The following PLEKHG1 variants were observed in gnomAD, a reference collection of about 807,000 sequenced individuals.
The protein encoded by PLEKHG1 is pleckstrin homology domain-containing family G member 1.
In PLEKHG1, 44 loss-of-function variants were observed where a neutral mutation model predicts 100.8. The ratio of observed to expected loss-of-function variants is 0.44; its 90% CI spans 0.34 to 0.56. The LOEUF (loss-of-function observed/expected upper bound fraction) is 0.56, where lower values mean the gene tolerates loss of function less well. Among genes scored for constraint, PLEKHG1 ranks in the 20% least tolerant of loss-of-function variants. PLEKHG1 has a pLI of 0.01. For synonymous variants in PLEKHG1, 640 were observed against 662.5 expected, an observed-to-expected ratio of 0.97 and a Z score of 0.52; for missense variants, 1,545 against 1,720.9, an observed-to-expected ratio of 0.90 and a Z score of 1.81.
intron 1 of PLEKHG1, among the ~76,000 whole-genome samples, chr6:150,631,221 A>C (rs1777733831): frequency 6.6e-6 from 1 of 152,222 alleles, no homozygotes; most frequent in Non-Finnish European, 1.5e-5. Context: ...TTTGAAATAA[A>C]TATATACAGC....
At chr6:150,729,390 C>T (rs942707628) in intron 1 of PLEKHG1, among the ~76,000 whole-genome samples, 1 of 152,188 alleles carries the variant, frequency 6.6e-6, no homozygotes, top group Admixed American at 6.5e-5. Flanking sequence ...TCAGTAGCCA[C>T]ATGTGGCCAC....
intron 3 of PLEKHG1, among the ~76,000 whole-genome samples, chr6:150,689,978 C>T (rs376868990): frequency 2.0e-5 from 3 of 151,928 alleles, no homozygotes; most frequent in African/African-American, 7.3e-5. Context: ...AATTGTTTCC[C>T]ACTCCATAGA....
intron 1 of PLEKHG1, among the ~76,000 whole-genome samples, chr6:150,732,261 T>C (rs1782308662): frequency 6.6e-6 from 1 of 152,220 alleles, no homozygotes; most frequent in Non-Finnish European, 1.5e-5. Flanking sequence ...ATAATTTAGT[T>C]CCTATATGCG....
intron 2 of PLEKHG1, among the ~76,000 whole-genome samples, chr6:150,740,089 C>T (rs1017369455): frequency 6.6e-6 from 1 of 152,230 alleles, no homozygotes; most frequent in Non-Finnish European, 1.5e-5. Flanking sequence ...GATTCAGGCC[C>T]AGAGAGCTTG....
intron 2 of PLEKHG1, among the ~76,000 whole-genome samples, chr6:150,737,949 G>A (rs1782660730): frequency 6.6e-6 from 1 of 150,594 alleles, no homozygotes; most frequent in Non-Finnish European, 1.5e-5. Flanking sequence ...GACTACAGGT[G>A]CACACCACCA....
At chr6:150,809,528 T>C (rs1398108574) in intron 9 of PLEKHG1, 52 bp downstream of exon 10, 5 of 1,517,592 alleles carry the variant, frequency 3.3e-6, no homozygotes, top group Non-Finnish European at 4.6e-6. Flanking sequence ...TAATGATGAG[T>C]GCTGTGTACC....
intron 14 of PLEKHG1, chr6:150,827,908 G>A: frequency 1.3e-6 from 2 of 1,572,778 alleles, no homozygotes; most frequent in Non-Finnish European, 1.7e-6. Flanking sequence ...CTGGCTGAGT[G>A]GAAAGCAACT....
intron 3 of PLEKHG1, among the ~76,000 whole-genome samples, chr6:150,783,890 T>G (rs1253214653): frequency 6.6e-6 from 1 of 152,198 alleles, no homozygotes; most frequent in Non-Finnish European, 1.5e-5. Flanking sequence ...TACTAAATTT[T>G]TTTGTTTGTT....
intron 3 of PLEKHG1, among the ~76,000 whole-genome samples, chr6:150,773,221 G>A (rs1006010031): frequency 2.0e-5 from 3 of 151,996 alleles, no homozygotes; most frequent in Non-Finnish European, 4.4e-5. Context: ...TTTTCATATG[G>A]CTAGCCACTG....
At chr6:150,790,553 G>A (rs999640322) in intron 4 of PLEKHG1, among the ~76,000 whole-genome samples, 2 of 152,090 alleles carry the variant, frequency 1.3e-5, no homozygotes, top group Non-Finnish European at 2.9e-5. Flanking sequence ...GTCCTACATC[G>A]AGAGATCTAT....
At chr6:150,648,150 C>T (rs1778576814) in intron 2 of PLEKHG1, among the ~76,000 whole-genome samples, 1 of 152,120 alleles carries the variant, frequency 6.6e-6, no homozygotes, top group South Asian at 2.1e-4. Flanking sequence ...ATTTCTGCCA[C>T]TGGATAAAAA....
chr6:150,805,878 CACAA>C (rs1787057198), intron 7 of PLEKHG1, among the ~76,000 whole-genome samples: 1 of 152,134 alleles, frequency 6.6e-6, no homozygotes. Context: ...GCCTATCCAG[CACAA>C]ACATTTTGAG....
intron 14 of PLEKHG1, among the ~76,000 whole-genome samples, chr6:150,824,698 T>C (rs1189379579): frequency 3.7e-5 from 5 of 135,200 alleles, no homozygotes; most frequent in Non-Finnish European, 8.1e-5. Flanking sequence ...CCCAGCTGAT[T>C]TTTGTATTTT....
At chr6:150,840,346 G>A (rs1268140894) in exon 16 of PLEKHG1, 2 of 1,614,018 alleles carry the variant, frequency 1.2e-6, no homozygotes, top group African/African-American at 1.3e-5. Context: ...AGTGATGTGG[G>A]AAAGCAGCAG....
At chr6:150,616,265 C>T (rs1005575479) in intron 1 of PLEKHG1, among the ~76,000 whole-genome samples, 4 of 152,080 alleles carry the variant, frequency 2.6e-5, no homozygotes. Context: ...ATCTTATTGC[C>T]CTGAGACATG....
intron 3 of PLEKHG1, among the ~76,000 whole-genome samples, chr6:150,709,534 A>C (rs1781165510): frequency 6.6e-6 from 1 of 152,156 alleles, no homozygotes; most frequent in African/African-American, 2.4e-5. Context: ...AAATCATGGA[A>C]CCTTAGATTT....
intron 3 of PLEKHG1, among the ~76,000 whole-genome samples, chr6:150,781,366 G>A (rs891565356): frequency 1.6e-4 from 24 of 151,460 alleles, no homozygotes; most frequent in African/African-American, 4.8e-4. Context: ...TTAGCCAGAC[G>A]TGGTGGCACA....
chr6:150,629,851 A>C (rs1407404643), intron 1 of PLEKHG1, among the ~76,000 whole-genome samples: 1 of 152,230 alleles, frequency 6.6e-6, no homozygotes, highest in Admixed American at 6.5e-5. Context: ...AATAATGATA[A>C]TTAGTTATCT....
intron 3 of PLEKHG1, among the ~76,000 whole-genome samples, chr6:150,676,388 C>T (rs1779759289): frequency 6.6e-6 from 1 of 152,196 alleles, no homozygotes; most frequent in African/African-American, 2.4e-5. Flanking sequence ...CATTTTACAC[C>T]TATCAAATAA....
Sources: allele counts gnomAD v4.1 joint callset (sites outside exome capture counted in the v4.1 genomes callset), GRCh38; gene constraint gnomAD v4.1.1; transcripts MANE v1.5; gene names NCBI Gene and HGNC (gene_info 2026-07-23, HGNC 2026-07-21).